The following ADNP variants were observed in gnomAD, a reference collection of about 807,000 sequenced individuals.
The protein encoded by ADNP is activity-dependent neuroprotector homeobox protein.
ADNP carries 4 observed loss-of-function variants against 84.9 expected under a neutral mutation model. The observed-to-expected ratio is 0.05, with a 90% CI of 0.02 to 0.11. ADNP has a LOEUF of 0.11. Among genes scored for constraint, ADNP ranks in the 10% least tolerant of loss-of-function variants. ADNP has a pLI of 1.00. For missense variants in ADNP, 1,132 were observed against 1,326.0 expected, an observed-to-expected ratio of 0.85 and a Z score of 2.27; for synonymous variants, 554 against 468.1, an observed-to-expected ratio of 1.18 and a Z score of -2.37.
chr20:50,900,129 G>C (rs1358966604), intron 5 of ADNP, among the ~76,000 whole-genome samples: 1 of 152,124 alleles, frequency 6.6e-6, no homozygotes, highest in African/African-American at 2.4e-5. Context: ...AGTCCCGCAA[G>C]TGCCCAATAT....
At chr20:50,924,577 T>C (rs1984165506) in intron 2 of ADNP, among the ~76,000 whole-genome samples, 1 of 152,218 alleles carries the variant, frequency 6.6e-6, no homozygotes, top group Non-Finnish European at 1.5e-5. Flanking sequence ...GAAACAAGGA[T>C]AGTCCTGAGA....
At chr20:50,924,102 T>G (rs1239606094) in intron 2 of ADNP, among the ~76,000 whole-genome samples, 1 of 152,046 alleles carries the variant, frequency 6.6e-6, no homozygotes, top group East Asian at 1.9e-4. Flanking sequence ...AGCTCTTAAA[T>G]GGAGCATGAA....
chr20:50,902,427 C>T (rs192446537), intron 4 of ADNP, among the ~76,000 whole-genome samples: 63 of 152,176 alleles, frequency 4.1e-4, no homozygotes, highest in African/African-American at 1.4e-3. Flanking sequence ...TACTCTAACT[C>T]GTCAGTTACA....
intron 2 of ADNP, among the ~76,000 whole-genome samples, chr20:50,921,291 CAGT>C (rs1297144559): frequency 2.6e-5 from 4 of 152,204 alleles, no homozygotes; most frequent in African/African-American, 9.6e-5. Flanking sequence ...GCATCATGCA[CAGT>C]AGTGTTTTTA....
intron 2 of ADNP, among the ~76,000 whole-genome samples, chr20:50,920,591 T>A: frequency 6.9e-6 from 1 of 145,358 alleles, no homozygotes; most frequent in Non-Finnish European, 1.5e-5. Flanking sequence ...GTCAATTAAG[T>A]AAAAGAGTAG....
Position 50,889,708 on chromosome 20 carries a change from A to G in ADNP, c.*1697T>C, listed in dbSNP as rs899497977. The G allele has an allele frequency of 3.8e-5, 15 of 392,628 alleles. No homozygotes were observed. The highest frequency in any genetic ancestry group is 8.9e-5 in the Admixed American group (2 of 22,550). 24.3% of individuals were successfully genotyped at this position (392,628 alleles called of 1,614,324 possible). On this transcript the variant is annotated 3_prime_UTR_variant, in exon 6 of 6. Transcript: ENST00000621696. ...TCCTCATGGATTGGAGTTTCCCATC[A>G]TTGTTTTAATTGCTGGAAATGTTGG...
chr20:50,912,712 T>A (rs778022635), intron 2 of ADNP, among the ~76,000 whole-genome samples: 68 of 152,226 alleles, frequency 4.5e-4, no homozygotes, highest in Non-Finnish European at 8.5e-4. Context: ...AGCAGAATTC[T>A]GATAGTTTAC....
At chr20:50,917,610 C>T (rs1037867120) in intron 2 of ADNP, among the ~76,000 whole-genome samples, 21 of 152,288 alleles carry the variant, frequency 1.4e-4, no homozygotes, top group Middle Eastern at 3.4e-3. Flanking sequence ...GGAAACTAGA[C>T]GCTTCCTTTT....
rs996774711 is a variant in ADNP, at chr20:50,891,024, G to A, written c.*381C>T. 2 of 1,031,004 alleles carry A rather than the reference G, an allele frequency of 1.9e-6. No homozygotes were observed. The highest frequency in any genetic ancestry group is 1.2e-6 in the Non-Finnish European group (1 of 860,276). The allele number at this position is 1,031,004 out of a possible 1,614,324, so 63.9% of individuals were successfully genotyped here. A position where few individuals can be genotyped will look rare whatever the true frequency, so the allele number is the denominator to read the frequency against. On this transcript the variant is annotated 3_prime_UTR_variant, in exon 6 of 6. Coordinates refer to ENST00000621696, the MANE Select transcript of ADNP (RefSeq NM_001282531.3). ...CAAAGTCTACTATACACATTAGACT[G>A]GTAGCTTGTATGTTGGCCCTACACT... is the stretch of plus-strand genomic sequence containing the variant.
chr20:50,918,582 G>T (rs1056932247), intron 2 of ADNP, among the ~76,000 whole-genome samples: 2 of 152,118 alleles, frequency 1.3e-5, no homozygotes, highest in Non-Finnish European at 2.9e-5. Flanking sequence ...ATTACTTTTG[G>T]CAATGAAGGC....
chr20:50,914,159 A>T, intron 2 of ADNP: 1 of 784,434 alleles, frequency 1.3e-6, no homozygotes, highest in Non-Finnish European at 2.2e-6. Flanking sequence ...GCAAAGCACC[A>T]GGCCACAGCC....
chr20:50,893,600 T>C lies in ADNP; in HGVS notation c.1114A>G (p.Ser372Gly). 1.2e-6 allele frequency: 2 copies of C among 1,614,170 alleles called. No individual in the cohort carries two copies. Among genetic ancestry groups the C allele is most frequent in the Non-Finnish European group, 1.7e-6 (2 of 1,180,016 alleles). Residue 372 changes from serine to glycine, a missense_variant, in exon 6 of 6, where the codon AGT becomes GGT. Physicochemically the swap from Ser to Gly is moderately conservative, Grantham distance 56 (BLOSUM62 0). Transcript: ENST00000621696. The surrounding 1 kb of genome is among the most constrained non-coding windows in gnomAD (Gnocchi z 4.4). ...QSQSVKQLLP[S>G]GNGRSYGLGS... ...AGCCCATAAGACCTTCCGTTTCCACTTGGAAGTAACTGCTTTACAGACTGA... is the reference window on the plus strand; with the variant it reads ...AGCCCATAAGACCTTCCGTTTCCACCTGGAAGTAACTGCTTTACAGACTGA...
chr20:50,899,802 A>G (rs1981780778), intron 5 of ADNP, among the ~76,000 whole-genome samples: 1 of 151,960 alleles, frequency 6.6e-6, no homozygotes. Flanking sequence ...AAAAAAAAAA[A>G]AAGTTTAAGA....
At chr20:50,897,582 C>A (rs2122787244) in intron 5 of ADNP, among the ~76,000 whole-genome samples, 1 of 152,272 alleles carries the variant, frequency 6.6e-6, no homozygotes, top group Non-Finnish European at 1.5e-5. Context: ...CAACCCAAGC[C>A]CAAGCAAGAT....
At chr20:50,904,364 C>T (rs541489356) in intron 3 of ADNP, 19 of 176,936 alleles carry the variant, frequency 1.1e-4, no homozygotes, top group East Asian at 1.6e-4. Context: ...TCCAGGAGTG[C>T]GCCACTATGC....
intron 5 of ADNP, among the ~76,000 whole-genome samples, chr20:50,900,214 ATACT>A (rs1269736390): frequency 3.3e-5 from 5 of 152,198 alleles, no homozygotes; most frequent in African/African-American, 1.2e-4. Context: ...AGAAACACAA[ATACT>A]TACCATTGTG....
chr20:50,890,050 T>C lies in ADNP; in HGVS notation c.*1355A>G, dbSNP rs934773584. 35 of 356,748 alleles carry C rather than the reference T, an allele frequency of 9.8e-5. No homozygotes were observed. The highest frequency in any genetic ancestry group is 8.8e-4 in the East Asian group (22 of 24,960). The allele number at this position is 356,748 out of a possible 1,614,324, so 22.1% of individuals were successfully genotyped here. On this transcript the variant is annotated 3_prime_UTR_variant, in exon 6 of 6. Coordinates refer to ENST00000621696, the MANE Select transcript of ADNP (RefSeq NM_001282531.3). ...CATGTTTACATTTTTTTTTTTATCA[T>C]TGAGACATTTACATATATATGCAGG...
intron 2 of ADNP, among the ~76,000 whole-genome samples, chr20:50,913,288 AG>A (rs1983227222): frequency 7.3e-6 from 1 of 137,280 alleles, no homozygotes; most frequent in Non-Finnish European, 1.5e-5. Flanking sequence ...AAAAAAAAAA[AG>A]GTATCTGTAT....
rs758985644 is a variant in ADNP, at chr20:50,893,930, C to G, written c.784G>C (p.Val262Leu). 1.2e-6 allele frequency: 2 copies of G among 1,614,114 alleles called. No individual in the cohort carries two copies. The highest frequency in any genetic ancestry group is 3.3e-5 in the Admixed American group (2 of 60,014). The change falls in exon 6 of 6, where the codon GTT becomes CTT. Residue 262 changes from valine to leucine, a missense_variant. By Grantham distance (32) the Val-to-Leu change is conservative. This residue lies in a region of ADNP where 239 missense variants were observed against 213.2 expected (regional missense o/e 1.12). Coordinates refer to ENST00000621696, the MANE Select transcript of ADNP (RefSeq NM_001282531.3). This position sits in a 1 kb window ranked among gnomAD's most constrained non-coding sequence, Gnocchi z 4.4. ...TAMIGHTNVV[V>L]PRSKPLMLIA... is the part of the protein sequence containing the mutation. ...AGCATCAAGGGTTTGGATCGGGGAA[C>G]CACTACATTTGTGTGCCCAATCATG...
Sources: allele counts gnomAD v4.1 joint callset (sites outside exome capture counted in the v4.1 genomes callset), GRCh38; gene constraint gnomAD v4.1.1; regional missense constraint gnomAD v4.1.1; non-coding constraint Gnocchi (gnomAD v3.1); transcripts MANE v1.5; gene names NCBI Gene and HGNC (gene_info 2026-07-23, HGNC 2026-07-21).